MBOAT1: variants seen among roughly 807,000 people sequenced by gnomAD.
The protein encoded by MBOAT1 is membrane bound glycerophospholipid O-acyltransferase 1.
A neutral mutation model predicts 64.4 loss-of-function variants in MBOAT1; 67 were observed. The ratio of observed to expected loss-of-function variants is 1.04; its 90% CI spans 0.85 to 1.27. The LOEUF (loss-of-function observed/expected upper bound fraction) is 1.27, where lower values mean the gene tolerates loss of function less well. Ranked by LOEUF, MBOAT1 falls within the 50% of genes most tolerant of loss-of-function variation. The probability of loss-of-function intolerance (pLI) is 0.00; values close to 1 mark genes in which losing one functional copy is unlikely to be tolerated. For synonymous variants in MBOAT1, 229 were observed against 218.9 expected, an observed-to-expected ratio of 1.05 and a Z score of -0.41; for missense variants, 563 against 604.6, an observed-to-expected ratio of 0.93 and a Z score of 0.72.
At chr6:20,144,642 G>A (rs910874375) in intron 3 of MBOAT1, among the ~76,000 whole-genome samples, 1 of 152,212 alleles carries the variant, frequency 6.6e-6, no homozygotes, top group Non-Finnish European at 1.5e-5. Context: ...AGCCAGGGCT[G>A]GGAATCACTA....
intron 1 of MBOAT1, among the ~76,000 whole-genome samples, chr6:20,155,325 G>C (rs1461424444): frequency 6.6e-6 from 1 of 152,172 alleles, no homozygotes; most frequent in African/African-American, 2.4e-5. Context: ...TCAAGTTTGA[G>C]AACCACAGGG....
chr6:20,108,300 T>C (rs1202110466), intron 12 of MBOAT1, among the ~76,000 whole-genome samples: 1 of 152,212 alleles, frequency 6.6e-6, no homozygotes, highest in East Asian at 1.9e-4. Context: ...GCAGCTGAAC[T>C]GAGGGCTTCT....
At chr6:20,203,965 C>T (rs1304378274) in intron 1 of MBOAT1, among the ~76,000 whole-genome samples, 2 of 152,150 alleles carry the variant, frequency 1.3e-5, no homozygotes, top group African/African-American at 2.4e-5. Context: ...CTGTAAAGTC[C>T]ACCTCTTCAG....
At chr6:20,181,246 C>A (rs1023835073) in intron 1 of MBOAT1, among the ~76,000 whole-genome samples, 8 of 152,180 alleles carry the variant, frequency 5.3e-5, no homozygotes, top group Non-Finnish European at 1.2e-4. Flanking sequence ...GAAGCCCAGG[C>A]CACCTCTGGA....
At chr6:20,166,400 C>A (rs1208102613) in intron 1 of MBOAT1, among the ~76,000 whole-genome samples, 1 of 152,130 alleles carries the variant, frequency 6.6e-6, no homozygotes, top group Non-Finnish European at 1.5e-5. Context: ...CTCCCTCCCA[C>A]TCTCCTTCCC....
At chr6:20,148,188 G>A (rs772246209) in intron 3 of MBOAT1, among the ~76,000 whole-genome samples, 1 of 152,200 alleles carries the variant, frequency 6.6e-6, no homozygotes, top group Non-Finnish European at 1.5e-5. Context: ...GGGAAGCCGA[G>A]GCAGGCAAAT....
intron 9 of MBOAT1, among the ~76,000 whole-genome samples, chr6:20,117,054 A>T (rs1388192318): frequency 6.6e-6 from 1 of 152,262 alleles, no homozygotes; most frequent in Non-Finnish European, 1.5e-5. Context: ...AAACTGAGAC[A>T]GGTCATTCTG....
At chr6:20,163,160 C>G (rs1225985738) in intron 1 of MBOAT1, among the ~76,000 whole-genome samples, 2 of 152,120 alleles carry the variant, frequency 1.3e-5, no homozygotes, top group Admixed American at 1.3e-4. Flanking sequence ...TAGGTGATAT[C>G]TACGTATTTC....
intron 1 of MBOAT1, among the ~76,000 whole-genome samples, chr6:20,160,610 C>G (rs953621554): frequency 6.6e-6 from 1 of 152,204 alleles, no homozygotes; most frequent in East Asian, 1.9e-4. Flanking sequence ...GGCAACACTG[C>G]CTTACACGCT....
chr6:20,198,240 AAAG>A (rs1763015124), intron 1 of MBOAT1, among the ~76,000 whole-genome samples: 3 of 151,886 alleles, frequency 2.0e-5, no homozygotes, highest in Non-Finnish European at 2.9e-5. Flanking sequence ...AAAAAAAAAA[AAAG>A]AAAGAAAGAA....
chr6:20,168,589 G>GA (rs1437400755), intron 1 of MBOAT1, among the ~76,000 whole-genome samples: 430 of 84,586 alleles, frequency 5.1e-3, no homozygotes, highest in Non-Finnish European at 7.1e-3. Flanking sequence ...AAGAGAGAGA[G>GA]GGAGAGAAAG....
At chr6:20,188,017 C>T (rs775579420) in intron 1 of MBOAT1, among the ~76,000 whole-genome samples, 2 of 152,084 alleles carry the variant, frequency 1.3e-5, no homozygotes, top group Non-Finnish European at 2.9e-5. Flanking sequence ...TGTAAGAGAG[C>T]ACAGGTTTTC....
At chr6:20,141,246 CTGCATTGTACAG>C (rs1761161164) in intron 4 of MBOAT1, among the ~76,000 whole-genome samples, 1 of 152,100 alleles carries the variant, frequency 6.6e-6, no homozygotes, top group African/African-American at 2.4e-5. Context: ...ACAAACTTTT[CTGCATTGTACAG>C]TGGGAGCAGA....
At chr6:20,162,887 T>C (rs1305523186) in intron 1 of MBOAT1, among the ~76,000 whole-genome samples, 1 of 152,216 alleles carries the variant, frequency 6.6e-6, no homozygotes, top group African/African-American at 2.4e-5. Flanking sequence ...CAAGCTTCTT[T>C]CCATCAGTGC....
chr6:20,209,677 G>A lies in MBOAT1; in HGVS notation c.99+2459C>T, dbSNP rs139443625. Among the ~76,000 whole-genome samples, 291 of 152,242 alleles carry A rather than the reference G, an allele frequency of 1.9e-3. 1 individual carries two copies. The highest frequency in any genetic ancestry group is 6.5e-3 in the African/African-American group (270 of 41,552). ...CTTGAGATATATATTTTATAATTTT[G>A]AGCATATCCCAGGCCAATCAAAAGT... On this transcript the variant is annotated intron_variant, in intron 1 of 12. Coordinates refer to ENST00000324607, the MANE Select transcript of MBOAT1 (RefSeq NM_001080480.3).
At chr6:20,173,405 C>T (rs894828656) in intron 1 of MBOAT1, among the ~76,000 whole-genome samples, 2 of 151,744 alleles carry the variant, frequency 1.3e-5, no homozygotes, top group African/African-American at 2.4e-5. Flanking sequence ...GAACTTAAAT[C>T]TCAAAATTCC....
At chr6:20,159,444 A>G (rs1034975687) in intron 1 of MBOAT1, among the ~76,000 whole-genome samples, 4 of 152,204 alleles carry the variant, frequency 2.6e-5, no homozygotes, top group African/African-American at 9.7e-5. Context: ...AATACTACTC[A>G]GCCTTTAAAA....
intron 12 of MBOAT1, among the ~76,000 whole-genome samples, chr6:20,109,191 T>G (rs1243828638): frequency 6.6e-6 from 1 of 152,100 alleles, no homozygotes; most frequent in African/African-American, 2.4e-5. Flanking sequence ...AATGACAGCC[T>G]CAGCCGCATC....
At chr6:20,163,635 A>G (rs1761928502) in intron 1 of MBOAT1, among the ~76,000 whole-genome samples, 1 of 152,156 alleles carries the variant, frequency 6.6e-6, no homozygotes, top group Admixed American at 6.5e-5. Flanking sequence ...GCATGATTCA[A>G]TATCTCACTT....
Sources: allele counts gnomAD v4.1 joint callset (sites outside exome capture counted in the v4.1 genomes callset), GRCh38; gene constraint gnomAD v4.1.1; transcripts MANE v1.5; gene names NCBI Gene and HGNC (gene_info 2026-07-23, HGNC 2026-07-21).